The following CFH variants were observed in gnomAD, a reference collection of about 807,000 sequenced individuals.
The protein encoded by CFH is H factor 1 (complement).
Under a neutral mutation model 147.3 loss-of-function variants are expected in CFH, and 53 were observed. That is an observed-to-expected ratio of 0.36 (90% confidence interval 0.29 to 0.45). CFH has a LOEUF of 0.45. Ranked by LOEUF, CFH falls within the 20% of genes least tolerant of loss-of-function variation. CFH has a pLI of 1.00. For synonymous variants in CFH, 536 were observed against 489.4 expected (o/e 1.10, Z -1.26); for missense variants, 1,380 against 1,498.0 (o/e 0.92, Z 1.30).
At chr1:196,660,895 C>G (rs1025308296) in intron 1 of CFH, among the ~76,000 whole-genome samples, 18 of 152,050 alleles carry the variant, frequency 1.2e-4, no homozygotes, top group Admixed American at 2.0e-4. Context: ...ATAATAATAA[C>G]CAGAAGGGAA....
chr1:196,686,803 A>G (rs531427602), intron 7 of CFH, among the ~76,000 whole-genome samples: 157 of 152,264 alleles, frequency 1.0e-3, no homozygotes, highest in Non-Finnish European at 1.9e-3. Flanking sequence ...AATGTTTGAC[A>G]ATGAACCATC....
At chr1:196,684,096 T>A (rs1011309627) in intron 6 of CFH, among the ~76,000 whole-genome samples, 4 of 151,682 alleles carry the variant, frequency 2.6e-5, no homozygotes, top group African/African-American at 9.7e-5. Context: ...TATAGCAGAG[T>A]TAATGGAAAG....
chr1:196,713,154 T>A (rs1464492678), intron 9 of CFH, among the ~76,000 whole-genome samples: 1 of 152,164 alleles, frequency 6.6e-6, no homozygotes, highest in African/African-American at 2.4e-5. Context: ...AGTTAAGTTC[T>A]ACATAATTTG....
intron 11 of CFH, among the ~76,000 whole-genome samples, chr1:196,720,387 A>G (rs1668970931): frequency 1.3e-5 from 2 of 151,946 alleles, no homozygotes; most frequent in Non-Finnish European, 1.5e-5. Context: ...TCACCCAAAT[A>G]CTGAACATTG....
chr1:196,707,288 T>G (rs1006516542), intron 9 of CFH, among the ~76,000 whole-genome samples: 1 of 152,216 alleles, frequency 6.6e-6, no homozygotes, highest in Admixed American at 6.5e-5. Context: ...CTTTAAAAAT[T>G]TTACATGGGA....
At chr1:196,735,342 C>T (rs1669375582) in intron 15 of CFH, among the ~76,000 whole-genome samples, 1 of 152,022 alleles carries the variant, frequency 6.6e-6, no homozygotes, top group Admixed American at 6.6e-5. Flanking sequence ...TTTTTAATTG[C>T]TCAGCACATA....
intron 1 of CFH, among the ~76,000 whole-genome samples, chr1:196,656,389 A>G (rs1572993163): frequency 6.6e-6 from 1 of 152,208 alleles, no homozygotes; most frequent in East Asian, 1.9e-4. Flanking sequence ...TGTAACATAA[A>G]TTTAAGCTTA....
intron 6 of CFH, among the ~76,000 whole-genome samples, chr1:196,680,437 C>T (rs530093758): frequency 2.0e-5 from 3 of 151,852 alleles, no homozygotes; most frequent in Admixed American, 1.3e-4. Context: ...TCTACTTAAC[C>T]TACTTCATTT....
Position 196,713,913 on chromosome 1 carries a change from C to G in CFH, c.1515C>G (p.Cys505Trp). The G allele has an allele frequency of 6.2e-7, 1 of 1,611,204 alleles. No individual in the cohort carries two copies. The highest frequency in any genetic ancestry group is 8.5e-7 in the Non-Finnish European group (1 of 1,178,108). The change falls in exon 10 of 22, where the codon TGC becomes TGG. Residue 505 changes from cysteine (C) to tryptophan (W), a missense_variant. Physicochemically the swap from Cys to Trp is radical, Grantham distance 215 (BLOSUM62 -2). Transcript: ENST00000367429. ...ATGGATGGTCAGCTCAACCCACGTG[C>G]ATTAGTAAGTAATTTATTATGTTTG... Reference protein sequence around the residue: ...GKDGWSAQPTCIKSCDIPVFM... With the variant: ...GKDGWSAQPTWIKSCDIPVFM...
At position 196,747,043 on chromosome 1, in the gene CFH, A is replaced by G. The variant is rs1653034184; in HGVS notation, c.3494-68A>G. On this transcript the variant is annotated intron_variant, in intron 21 of 21. Transcript: ENST00000367429. The stretch of plus-strand genomic sequence containing the variant: ...GAACCATCATATAACATTCTACTTG[A>G]AAACCTGAAAGTCTATGAAGATTTG... The G allele has an allele frequency of 8.1e-6, 13 of 1,601,798 alleles. 1 individual carries two copies. In the Middle Eastern group the frequency reaches 8.3e-4, roughly 102 times the overall value.
intron 20 of CFH, among the ~76,000 whole-genome samples, chr1:196,744,135 T>C (rs1292385603): frequency 6.6e-6 from 1 of 152,102 alleles, no homozygotes; most frequent in Non-Finnish European, 1.5e-5. Context: ...GGAAATTGTA[T>C]CTTACTCACC....
chr1:196,714,701 A>AGAGAGAGAGAGAGAGAGAGAGAGG lies in CFH; in HGVS notation c.1519+802_1519+803insGAGAGGGAGAGAGAGAGAGAGAGA, dbSNP rs1668823832. 8.7e-5 allele frequency among the ~76,000 whole-genome samples: 6 copies of AGAGAGAGAGAGAGAGAGAGAGAGG among 69,244 alleles called. 1 individual carries two copies. The highest frequency in any genetic ancestry group is 3.2e-4 in the African/African-American group (5 of 15,508). The allele number at this position is 69,244 out of a possible 152,430, so 45.4% of individuals were successfully genotyped here. A position where few individuals can be genotyped will look rare whatever the true frequency, so the allele number is the denominator to read the frequency against. On this transcript the variant is annotated intron_variant, in intron 10 of 21. Coordinates refer to ENST00000367429, the MANE Select transcript of CFH (RefSeq NM_000186.4). ...GAGAGAGAGAGAGAGAGAGAGAGAGAGAGAGAGAGAGAGAGAGATGGAGTC... is the reference window on the plus strand; with the variant it reads ...GAGAGAGAGAGAGAGAGAGAGAGAGAGAGAGAGAGAGAGAGAGAGAGAGGGAGAGAGAGAGAGAGAGATGGAGTC...
intron 1 of CFH, among the ~76,000 whole-genome samples, chr1:196,669,300 G>T (rs539696606): frequency 2.0e-5 from 3 of 152,296 alleles, no homozygotes; most frequent in South Asian, 2.1e-4. Context: ...TGGGAAAAAT[G>T]CAAGCCCACT....
In CFH at chr1:196,726,843, T is replaced by G; in HGVS notation, c.2139T>G (p.Asp713Glu). Residue 713 changes from aspartate to glutamate, a missense_variant, in exon 14 of 22, where the codon GAT becomes GAG. Transcript: ENST00000367429. Reference protein sequence around the residue: ...QLSSPPYYYGDSVEFNCSESF... With the variant: ...QLSSPPYYYGESVEFNCSESF... Reference sequence around the variant, plus strand: ...CTTCCCCTCCTTATTACTATGGAGATTCAGTGGAATTCAATTGCTCAGAAT... The same window carrying G: ...CTTCCCCTCCTTATTACTATGGAGAGTCAGTGGAATTCAATTGCTCAGAAT... The G allele has an allele frequency of 1.2e-6, 2 of 1,613,530 alleles. No individual in the cohort carries two copies. Among genetic ancestry groups the G allele is most frequent in the Non-Finnish European group, 1.7e-6 (2 of 1,179,556 alleles).
rs1652824620 is a variant in CFH, at chr1:196,742,043, C to T, written c.3125C>T (p.Thr1042Ile). The part of the protein sequence containing the change: ...CINSRWTGRP[T>I]CRDTSCVNPP... ...AATAGCAGATGGACAGGAAGGCCAA[C>T]ATGCAGAGGTACTTTGGTGAATTTT... Residue 1042 changes from threonine (T) to isoleucine (I), a missense_variant, in exon 19 of 22, where the codon ACA becomes ATA. This residue lies in a region of CFH where 830 missense variants were observed against 821.4 expected (regional missense o/e 1.01). Coordinates refer to ENST00000367429, the MANE Select transcript of CFH (RefSeq NM_000186.4). 1.9e-6 allele frequency: 3 copies of T among 1,613,914 alleles called. No homozygotes were observed. Among genetic ancestry groups the T allele is most frequent in the Admixed American group, 1.7e-5 (1 of 60,002 alleles).
chr1:196,694,896 T>C (rs1668198317), intron 9 of CFH, among the ~76,000 whole-genome samples: 1 of 152,182 alleles, frequency 6.6e-6, no homozygotes, highest in Non-Finnish European at 1.5e-5. Context: ...TGTAGATTCT[T>C]GATATTAGAC....
intron 9 of CFH, among the ~76,000 whole-genome samples, chr1:196,691,582 C>A (rs547492273): frequency 6.6e-6 from 1 of 151,740 alleles, no homozygotes; most frequent in Non-Finnish European, 1.5e-5. Context: ...TTTGGAAATG[C>A]AGTTTGATTT....
At chr1:196,739,600 G>A (rs1652733173) in intron 17 of CFH, among the ~76,000 whole-genome samples, 1 of 152,110 alleles carries the variant, frequency 6.6e-6, no homozygotes, top group Non-Finnish European at 1.5e-5. Flanking sequence ...ATCACTGTGA[G>A]TATTTTGGTC....
At chr1:196,704,855 T>G (rs1668548177) in intron 9 of CFH, among the ~76,000 whole-genome samples, 2 of 152,216 alleles carry the variant, frequency 1.3e-5, no homozygotes, top group Non-Finnish European at 2.9e-5. Context: ...GCCATTTATC[T>G]GGTGATAACT....
Sources: allele counts gnomAD v4.1 joint callset (sites outside exome capture counted in the v4.1 genomes callset), GRCh38; gene constraint gnomAD v4.1.1; regional missense constraint gnomAD v4.1.1; transcripts MANE v1.5; gene names NCBI Gene and HGNC (gene_info 2026-07-23, HGNC 2026-07-21).